Variants in HNRNPC observed in about 807,000 individuals in gnomAD.
HNRNPC encodes heterogeneous nuclear ribonucleoprotein C, also known as heterogeneous nuclear ribonucleoproteins C1/C2.
In HNRNPC, 3 loss-of-function variants were observed where a neutral mutation model predicts 33.2. The observed-to-expected ratio is 0.09, with a 90% CI of 0.04 to 0.23. HNRNPC has a LOEUF of 0.23. Among genes scored for constraint, HNRNPC ranks in the 10% least tolerant of loss-of-function variants. The pLI, the probability that HNRNPC is intolerant of heterozygous loss-of-function variation, is 1.00. For synonymous variants in HNRNPC, 121 were observed against 126.7 expected, an observed-to-expected ratio of 0.96 and a Z score of 0.30; for missense variants, 143 against 366.7, an observed-to-expected ratio of 0.39 and a Z score of 4.98.
chr14:21,240,914 A>G (rs563916465), intron 2 of HNRNPC, among the ~76,000 whole-genome samples: 6 of 152,292 alleles, frequency 3.9e-5, no homozygotes, highest in South Asian at 2.1e-4. Flanking sequence ...AGGAAAATAT[A>G]TATTACCTCA....
At chr14:21,222,683 G>A (rs899323284) in intron 5 of HNRNPC, among the ~76,000 whole-genome samples, 1 of 152,018 alleles carries the variant, frequency 6.6e-6, no homozygotes, top group Non-Finnish European at 1.5e-5. Flanking sequence ...ATGAGGTCAG[G>A]AGATCAAGAC....
intron 2 of HNRNPC, chr14:21,234,696 C>T (rs1894483903): frequency 6.4e-6 from 1 of 155,756 alleles, no homozygotes; most frequent in African/African-American, 2.4e-5. Context: ...TATATATACA[C>T]ACAGCATAGC....
intron 2 of HNRNPC, among the ~76,000 whole-genome samples, chr14:21,240,508 T>C (rs1335822431): frequency 6.6e-6 from 1 of 152,228 alleles, no homozygotes; most frequent in Non-Finnish European, 1.5e-5. Flanking sequence ...GAAGATTTTT[T>C]ACATAAATAA....
At chr14:21,236,327 C>T (rs1266276899) in intron 2 of HNRNPC, 4 of 152,050 alleles carry the variant, frequency 2.6e-5, no homozygotes, top group Non-Finnish European at 5.9e-5. Flanking sequence ...TACAAAAATC[C>T]CAACTTCCAA....
chr14:21,243,057 G>T (rs1895542869), intron 2 of HNRNPC, among the ~76,000 whole-genome samples: 1 of 152,134 alleles, frequency 6.6e-6, no homozygotes. Context: ...CCCTAGAAGT[G>T]GAGGCTGCAA....
rs1894875354 is a variant in HNRNPC, at chr14:21,237,789, TTG to T, written c.-36-3562_-36-3561del. Among the ~76,000 whole-genome samples the T allele has an allele frequency of 4.6e-5, 7 of 152,326 alleles. No individual in the cohort carries two copies. The South Asian group carries it at 1.4e-3, about 32-fold the overall frequency. The stretch of plus-strand genomic sequence containing the variant: ...TGATCACATTTTTTTTTTAATTTTT[TTG>T]AGTTGGAGTTTCACTCGTTGCCAAG... On this transcript the variant is annotated intron_variant, in intron 2 of 8. Coordinates refer to ENST00000553300, the MANE Select transcript of HNRNPC (RefSeq NM_004500.4).
rs970843708 is a variant in HNRNPC at position 21,230,895 on chromosome 14, A to G, written c.317+102T>C. The G allele has an allele frequency of 3.0e-6, 4 of 1,352,826 alleles. No homozygotes were observed. In the African/African-American group the frequency reaches 5.8e-5, roughly 20 times the overall value. The allele number at this position is 1,352,826 out of a possible 1,614,324, so 83.8% of individuals were successfully genotyped here. A position where few individuals can be genotyped will look rare whatever the true frequency, so the allele number is the denominator to read the frequency against. On this transcript the variant is annotated intron_variant, in intron 4 of 8. Coordinates refer to ENST00000553300, the MANE Select transcript of HNRNPC (RefSeq NM_004500.4). ...ACACTTAAACCTCCCCACACCCAGA[A>G]AACAGAAAGAGAAGATGCCCACTGA...
chr14:21,211,044 T>C lies in HNRNPC; in HGVS notation c.*179A>G. ...AAACTACTAGGAGCGTCAAAGGAAG[T>C]GAAAATGGGACTAGGCGCGGGGCAA... is the stretch of plus-strand genomic sequence containing the variant. On this transcript the variant is annotated 3_prime_UTR_variant, in exon 9 of 9. Coordinates refer to ENST00000553300, the MANE Select transcript of HNRNPC (RefSeq NM_004500.4). 1 of 656,926 alleles carries C rather than the reference T, an allele frequency of 1.5e-6. No individual in the cohort carries two copies. Among genetic ancestry groups the C allele is most frequent in the South Asian group, 2.0e-5 (1 of 49,476 alleles). The allele number at this position is 656,926 out of a possible 1,614,324, so 40.7% of individuals were successfully genotyped here.
intron 5 of HNRNPC, among the ~76,000 whole-genome samples, chr14:21,216,573 G>T (rs1179410986): frequency 6.6e-6 from 1 of 152,092 alleles, no homozygotes; most frequent in East Asian, 1.9e-4. Flanking sequence ...TCCAGGTGTG[G>T]TGGCACATTC....
chr14:21,214,723 T>C (rs1247408988), intron 5 of HNRNPC, among the ~76,000 whole-genome samples: 3 of 152,226 alleles, frequency 2.0e-5, no homozygotes, highest in Non-Finnish European at 4.4e-5. Context: ...CATAAAGCTT[T>C]TGGTCTTTTT....
chr14:21,228,719 A>AT (rs1221191588), intron 5 of HNRNPC, among the ~76,000 whole-genome samples: 2 of 152,062 alleles, frequency 1.3e-5, no homozygotes, highest in African/African-American at 2.4e-5. Flanking sequence ...AATTTCAAAA[A>AT]TTTCAACAAA....
chr14:21,246,291 G>A (rs1157054659), intron 2 of HNRNPC, among the ~76,000 whole-genome samples: 6 of 152,108 alleles, frequency 3.9e-5, no homozygotes. Flanking sequence ...TGGGCGCGGT[G>A]GCTCATGCCT....
chr14:21,211,706 T>C, intron 7 of HNRNPC, 104 bp downstream of exon 7: 1 of 1,419,694 alleles, frequency 7.0e-7, no homozygotes. Flanking sequence ...CTCCCCAAGT[T>C]TCATATTACA....
At chr14:21,220,997 G>C (rs971511943) in intron 5 of HNRNPC, among the ~76,000 whole-genome samples, 1 of 152,146 alleles carries the variant, frequency 6.6e-6, no homozygotes, top group Admixed American at 6.5e-5. Flanking sequence ...TAAGGCAGGA[G>C]GATCCCTTGA....
rs773135210 is a variant in HNRNPC, at chr14:21,211,295, G to C, written c.810C>G (p.Ile270Met). 11 of 1,614,090 alleles carry C rather than the reference G, an allele frequency of 6.8e-6. No individual in the cohort carries two copies. The East Asian group carries it at 2.5e-4, about 36-fold the overall frequency. ...CCTCAGCCTCTTTTTCATCATCCTT[G>C]ATCAACTCCAGCTGTGAGAAACAGA... Reference protein sequence around the residue: ...EDRGDDQLELIKDDEKEAEEG... With the variant: ...EDRGDDQLELMKDDEKEAEEG... The change falls in exon 9 of 9, where the codon ATC becomes ATG. Residue 270 changes from isoleucine (I) to methionine (M), a missense_variant. Physicochemically the swap from Ile to Met is conservative, Grantham distance 10. This residue lies in a region of HNRNPC where 131 missense variants were observed against 253.0 expected (regional missense o/e 0.52). Coordinates refer to ENST00000553300, the MANE Select transcript of HNRNPC (RefSeq NM_004500.4).
intron 5 of HNRNPC, among the ~76,000 whole-genome samples, chr14:21,215,741 T>C (rs1406904453): frequency 6.6e-6 from 1 of 151,420 alleles, no homozygotes; most frequent in Non-Finnish European, 1.5e-5. Context: ...ATACTAAAAA[T>C]ACAAAAATTA....
At chr14:21,267,095 C>CAAAAAAAAAAAAAAA (rs56203257) in intron 1 of HNRNPC, among the ~76,000 whole-genome samples, 1 of 104,116 alleles carries the variant, frequency 9.6e-6, no homozygotes, top group Admixed American at 1.0e-4. Flanking sequence ...GACTCCGTCT[C>CAAAAAAAAAAAAAAA]AAAAAAAAAA....
intron 2 of HNRNPC, among the ~76,000 whole-genome samples, chr14:21,246,075 C>A (rs751248030): frequency 6.6e-6 from 1 of 152,082 alleles, no homozygotes; most frequent in South Asian, 2.1e-4. Flanking sequence ...CTGCTTGCCT[C>A]GGCCTCCCAA....
intron 3 of HNRNPC, 68 bp from the exon 4 acceptor site, chr14:21,231,140 T>A (rs1228644123): frequency 4.8e-6 from 7 of 1,468,288 alleles, no homozygotes; most frequent in Non-Finnish European, 6.6e-6. Flanking sequence ...CAAAGTTTAT[T>A]TTTTTTATTT....
Sources: allele counts gnomAD v4.1 joint callset (sites outside exome capture counted in the v4.1 genomes callset), GRCh38; gene constraint gnomAD v4.1.1; regional missense constraint gnomAD v4.1.1; transcripts MANE v1.5; gene names NCBI Gene and HGNC (gene_info 2026-07-23, HGNC 2026-07-21).